Variants in MLLT1 observed in about 807,000 individuals in gnomAD.
MLLT1 encodes the protein protein ENL.
A neutral mutation model predicts 55.1 loss-of-function variants in MLLT1; 11 were observed. The ratio of observed to expected loss-of-function variants is 0.20; its 90% CI spans 0.13 to 0.33. The LOEUF (loss-of-function observed/expected upper bound fraction) is 0.33. Ranked by LOEUF, MLLT1 falls within the 10% of genes least tolerant of loss-of-function variation. The pLI is 1.00. For missense variants in MLLT1, 536 were observed against 760.6 expected, an observed-to-expected ratio of 0.70 and a Z score of 3.47; for synonymous variants, 323 against 320.1, an observed-to-expected ratio of 1.01 and a Z score of -0.10.
chr19:6,221,398 G>A (rs1343581167), intron 6 of MLLT1, among the ~76,000 whole-genome samples: 1 of 152,214 alleles, frequency 6.6e-6, no homozygotes, highest in East Asian at 1.9e-4. Context: ...CAGCTCTTGC[G>A]GCTCAAGTCA....
intron 6 of MLLT1, among the ~76,000 whole-genome samples, chr19:6,220,685 C>T (rs918329895): frequency 5.9e-5 from 9 of 152,240 alleles, no homozygotes; most frequent in Admixed American, 2.6e-4. Flanking sequence ...ACCAGAAGAC[C>T]TCGCCTGGAG....
intron 1 of MLLT1, among the ~76,000 whole-genome samples, chr19:6,274,845 G>C (rs577453259): frequency 6.6e-6 from 1 of 152,370 alleles, no homozygotes; most frequent in South Asian, 2.1e-4. Flanking sequence ...TCTGGGGACA[G>C]TTAGGCTTGG....
chr19:6,210,888 AG>A lies in MLLT1; in HGVS notation c.*2153del, dbSNP rs1408236943. On this transcript the variant is annotated 3_prime_UTR_variant, in exon 12 of 12. Coordinates refer to ENST00000252674, the MANE Select transcript of MLLT1 (RefSeq NM_005934.4). The surrounding 1 kb of genome is among the most constrained non-coding windows in gnomAD (Gnocchi z 4.6). ...AGCCCTGGGCCCAGAGCAGCTCTGG[AG>A]GACAACGTGAGGCCTTCCGGCCAGA... 9 of 230,170 alleles carry A rather than the reference AG, an allele frequency of 3.9e-5. No individual in the cohort carries two copies. The East Asian group carries it at 5.5e-4, about 14-fold the overall frequency. 14.3% of individuals were successfully genotyped at this position (230,170 alleles called of 1,614,324 possible).
intron 3 of MLLT1, among the ~76,000 whole-genome samples, chr19:6,249,196 A>T (rs1796766671): frequency 6.6e-6 from 1 of 152,216 alleles, no homozygotes. Flanking sequence ...AATATTGATT[A>T]CATGTTGAAA....
Position 6,211,979 on chromosome 19 carries a change from G to A in MLLT1, c.*1063C>T, listed in dbSNP as rs756412388. 99 of 1,065,360 alleles carry A rather than the reference G, an allele frequency of 9.3e-5. No individual in the cohort carries two copies. Among genetic ancestry groups the A allele is most frequent in the Non-Finnish European group, 9.9e-5 (87 of 879,074 alleles). The allele number at this position is 1,065,360 out of a possible 1,614,324, so 66.0% of individuals were successfully genotyped here. A position where few individuals can be genotyped will look rare whatever the true frequency, so the allele number is the denominator to read the frequency against. ...CAACCCACCGGGCCTGCTGATGGCC[G>A]AGCCCACGCTCGAGGGGCTGACCAG... On this transcript the variant is annotated 3_prime_UTR_variant, in exon 12 of 12. Coordinates refer to ENST00000252674, the MANE Select transcript of MLLT1 (RefSeq NM_005934.4). This position sits in a 1 kb window ranked among gnomAD's most constrained non-coding sequence, Gnocchi z 4.6.
intron 3 of MLLT1, among the ~76,000 whole-genome samples, chr19:6,232,256 A>G (rs1476953508): frequency 6.6e-6 from 1 of 152,096 alleles, no homozygotes; most frequent in Non-Finnish European, 1.5e-5. Context: ...AAACAAACAA[A>G]CAAGCAAACA....
rs533546968 is a variant in MLLT1, at chr19:6,216,873, G to A, written c.1199-360C>T. On this transcript the variant is annotated intron_variant, in intron 7 of 11. Transcript: ENST00000252674. ...GAAGCTCTGCCGAGAGCCCAGGGAG[G>A]GCGAGGGAGCCACAGCCTGGCTGGG... The A allele has an allele frequency of 1.2e-4, 27 of 227,426 alleles. No individual in the cohort carries two copies. In the South Asian group the frequency reaches 1.6e-3, roughly 14 times the overall value. 14.1% of individuals were successfully genotyped at this position (227,426 alleles called of 1,614,324 possible).
chr19:6,237,221 G>A (rs182643654), intron 3 of MLLT1, among the ~76,000 whole-genome samples: 20 of 152,322 alleles, frequency 1.3e-4, no homozygotes, highest in Non-Finnish European at 2.5e-4. Flanking sequence ...TGCGTGGAGC[G>A]CCTGCTGCTG....
chr19:6,265,072 AAAC>A (rs2091338624), intron 2 of MLLT1, among the ~76,000 whole-genome samples: 2 of 145,384 alleles, frequency 1.4e-5, no homozygotes, highest in African/African-American at 5.1e-5. Flanking sequence ...AAACAAAAAA[AAAC>A]ATGATGTCAT....
At chr19:6,263,962 A>G (rs2091326336) in intron 2 of MLLT1, among the ~76,000 whole-genome samples, 3 of 151,714 alleles carry the variant, frequency 2.0e-5, no homozygotes, top group Admixed American at 6.6e-5. Flanking sequence ...GGAGCAGGGG[A>G]GCGACTGCCA....
intron 3 of MLLT1, among the ~76,000 whole-genome samples, chr19:6,238,521 C>T (rs1053836805): frequency 5.3e-5 from 8 of 152,196 alleles, no homozygotes; most frequent in African/African-American, 1.7e-4. Flanking sequence ...CTGCCATTCT[C>T]TCTGCTTCTG....
At chr19:6,238,250 T>A (rs1476469660) in intron 3 of MLLT1, among the ~76,000 whole-genome samples, 1 of 152,222 alleles carries the variant, frequency 6.6e-6, no homozygotes, top group Non-Finnish European at 1.5e-5. Flanking sequence ...ACTGTGTGTG[T>A]GAGAGATGAT....
At chr19:6,241,432 C>A (rs1285854125) in intron 3 of MLLT1, among the ~76,000 whole-genome samples, 1 of 152,172 alleles carries the variant, frequency 6.6e-6, no homozygotes, top group Non-Finnish European at 1.5e-5. Flanking sequence ...GGAAAGATGG[C>A]CTCAGAGAAG....
At chr19:6,213,672 T>TTGGCC in intron 10 of MLLT1, 54 bp downstream of exon 10, 10 of 1,075,332 alleles carry the variant, frequency 9.3e-6, no homozygotes, top group African/African-American at 1.6e-5. Flanking sequence ...TGGCTGCAAC[T>TTGGCC]CCCACCACCC....
intron 3 of MLLT1, among the ~76,000 whole-genome samples, chr19:6,246,819 C>T (rs943685049): frequency 4.6e-5 from 7 of 152,244 alleles, no homozygotes; most frequent in East Asian, 1.9e-4. Context: ...CTGAGACTGA[C>T]GAAGCTAACT....
chr19:6,230,480 G>A lies in MLLT1; in HGVS notation c.420+90C>T. ...CCTGCGCCTTGGGTCTCGGCCCCCA[G>A]CACCGACACCTCTGGCTGGGCACAG... is the stretch of plus-strand genomic sequence containing the variant. On this transcript the variant is annotated intron_variant, in intron 4 of 11. Coordinates refer to ENST00000252674, the MANE Select transcript of MLLT1 (RefSeq NM_005934.4). The surrounding 1 kb of genome is among the most constrained non-coding windows in gnomAD (Gnocchi z 9.0). The A allele has an allele frequency of 2.0e-6, 3 of 1,517,840 alleles. No homozygotes were observed. Among genetic ancestry groups the A allele is most frequent in the Middle Eastern group, 4.7e-4 (2 of 4,218 alleles). The allele number at this position is 1,517,840 out of a possible 1,614,324, so 94.0% of individuals were successfully genotyped here. A position where few individuals can be genotyped will look rare whatever the true frequency, so the allele number is the denominator to read the frequency against.
In MLLT1 at chr19:6,229,015, C is replaced by T. The variant is rs2090980957; in HGVS notation, c.420+1555G>A. 1.3e-5 allele frequency among the ~76,000 whole-genome samples: 2 copies of T among 152,220 alleles called. No individual in the cohort carries two copies. The highest frequency in any genetic ancestry group is 2.9e-5 in the Non-Finnish European group (2 of 68,020). On this transcript the variant is annotated intron_variant, in intron 4 of 11. Transcript: ENST00000252674. This position sits in a 1 kb window ranked among gnomAD's most constrained non-coding sequence, Gnocchi z 5.2. ...TGTGTTGAGACGATGCCCTCAGAGC[C>T]TTCATCGCTGTGGAGCAAAGGAAGC...
intron 2 of MLLT1, among the ~76,000 whole-genome samples, chr19:6,264,892 T>TA (rs34494210): frequency 0.53 from 38,828 of 73,406 alleles, 11,774 homozygotes; most frequent in Non-Finnish European, 0.65. Context: ...GAAACTCTGT[T>TA]AAAAAAAAAA....
At chr19:6,276,650 G>A (rs558153960) in intron 1 of MLLT1, among the ~76,000 whole-genome samples, 2 of 151,956 alleles carry the variant, frequency 1.3e-5, no homozygotes, top group African/African-American at 4.8e-5. Flanking sequence ...TCCTTGTCAC[G>A]TCCCAGTCCC....
Sources: gnomAD v4.1 joint callset for allele counts (sites outside exome capture counted in the v4.1 genomes callset) on GRCh38, gnomAD v4.1.1 for gene constraint, Gnocchi (gnomAD v3.1) non-coding constraint, MANE v1.5 for transcripts, NCBI Gene and HGNC (gene_info 2026-07-23, HGNC 2026-07-21) for gene names.